Variants in CYP27C1 observed in about 807,000 individuals in gnomAD.
CYP27C1 encodes cytochrome P450 27C1.
A neutral mutation model predicts 40.6 loss-of-function variants in CYP27C1; 29 were observed. The observed-to-expected ratio is 0.71, with a 90% confidence interval of 0.53 to 0.97. The LOEUF (loss-of-function observed/expected upper bound fraction) is 0.97. Ranked by LOEUF, CYP27C1 falls within the 50% of genes least tolerant of loss-of-function variation. The pLI, the probability that CYP27C1 is intolerant of heterozygous loss-of-function variation, is 0.00. For missense variants in CYP27C1, 390 were observed against 485.8 expected (o/e 0.80, Z 1.85); for synonymous variants, 198 against 186.8 (o/e 1.06, Z -0.49).
chr2:127,188,592 A>G (rs888106080), intron 8 of CYP27C1, among the ~76,000 whole-genome samples: 1 of 151,946 alleles, frequency 6.6e-6, no homozygotes, highest in Non-Finnish European at 1.5e-5. Context: ...ATTTACAATC[A>G]CTTGTGCTGG....
In CYP27C1 at chr2:127,185,544, A is replaced by G. The variant is rs910326784; in HGVS notation, c.*1727T>C. On this transcript the variant is annotated 3_prime_UTR_variant, in exon 9 of 9. Transcript: ENST00000664447. The surrounding 1 kb of genome is among the most constrained non-coding windows in gnomAD (Gnocchi z 4.9). ...GTATACTGCTACCTCAAAGTAATCA[A>G]TCCAACACTTGGCCAGTTAATATGA... 3.9e-5 allele frequency: 6 copies of G among 152,208 alleles called. No individual in the cohort carries two copies. Among genetic ancestry groups the G allele is most frequent in the Non-Finnish European group, 8.8e-5 (6 of 68,032 alleles). 9.4% of individuals were successfully genotyped at this position (152,208 alleles called of 1,614,324 possible). A position where few individuals can be genotyped will look rare whatever the true frequency, so the allele number is the denominator to read the frequency against.
intron 3 of CYP27C1, among the ~76,000 whole-genome samples, chr2:127,202,578 C>A (rs1165509509): frequency 6.6e-6 from 1 of 152,174 alleles, no homozygotes; most frequent in Non-Finnish European, 1.5e-5. Context: ...AGACTAGTGA[C>A]CTTTGCTGCA....
Position 127,199,111 on chromosome 2 carries a change from C to A in CYP27C1, c.1047+265G>T, listed in dbSNP as rs111669184. Among the ~76,000 whole-genome samples, 915 of 152,236 alleles carry A rather than the reference C, an allele frequency of 6.0e-3. 12 individuals are homozygous for A. Among genetic ancestry groups the A allele is most frequent in the African/African-American group, 0.021 (876 of 41,534 alleles). On this transcript the variant is annotated intron_variant, in intron 5 of 8. Coordinates refer to ENST00000664447, the MANE Select transcript of CYP27C1 (RefSeq NM_001367502.1). ...ACCAGCCTGGCCAACATGGTGAAAC[C>A]CCCGTTGCTACTAAAAGTACAAAAC...
At position 127,209,569 on chromosome 2, in the gene CYP27C1, A is replaced by C. The variant is rs1683297830; in HGVS notation, c.283-3479T>G. ...AGATGGGTAATAAAAAACTGCGATGACCTAAAGGAGCATGTTCTAACACAA... is the reference window on the plus strand; with the variant it reads ...AGATGGGTAATAAAAAACTGCGATGCCCTAAAGGAGCATGTTCTAACACAA... On this transcript the variant is annotated intron_variant, in intron 1 of 8. Transcript: ENST00000664447. The surrounding 1 kb of genome is among the most constrained non-coding windows in gnomAD (Gnocchi z 4.1). 6.6e-6 allele frequency among the ~76,000 whole-genome samples: 1 copy of C among 152,196 alleles called. No homozygotes were observed. Among genetic ancestry groups the C allele is most frequent in the Non-Finnish European group, 1.5e-5 (1 of 68,036 alleles).
intron 1 of CYP27C1, among the ~76,000 whole-genome samples, chr2:127,213,201 A>C (rs1683366520): frequency 6.6e-6 from 1 of 152,226 alleles, no homozygotes; most frequent in African/African-American, 2.4e-5. Flanking sequence ...TTCCATCCTT[A>C]TGGATAGGAA....
At chr2:127,203,883 A>T (rs1683097385) in intron 2 of CYP27C1, among the ~76,000 whole-genome samples, 1 of 152,124 alleles carries the variant, frequency 6.6e-6, no homozygotes, top group Non-Finnish European at 1.5e-5. Flanking sequence ...ATTGTAATAA[A>T]GAAATGAGAT....
intron 8 of CYP27C1, among the ~76,000 whole-genome samples, chr2:127,192,675 C>T (rs576753287): frequency 3.8e-3 from 321 of 83,712 alleles, no homozygotes; most frequent in East Asian, 0.013. Context: ...ACTGCAGACA[C>T]GGCCACTAGA....
chr2:127,188,172 C>T (rs1328701971), intron 8 of CYP27C1, among the ~76,000 whole-genome samples: 1 of 152,162 alleles, frequency 6.6e-6, no homozygotes, highest in Admixed American at 6.5e-5. Flanking sequence ...GATGAGCTGG[C>T]AATACCATAG....
rs543973765 is a variant in CYP27C1, at chr2:127,201,040, C to G, written c.883+82G>C. On this transcript the variant is annotated intron_variant, in intron 4 of 8. Transcript: ENST00000664447. This position sits in a 1 kb window ranked among gnomAD's most constrained non-coding sequence, Gnocchi z 6.0. ...ATCTAGGCATCCTCTGCTATGGTCA[C>G]CCATTGTCTGGATGAGAGTTAGACA... 4.5e-6 allele frequency: 6 copies of G among 1,343,420 alleles called. No individual in the cohort carries two copies. The highest frequency in any genetic ancestry group is 5.3e-4 in the Middle Eastern group (2 of 3,796). The allele number at this position is 1,343,420 out of a possible 1,614,324, so 83.2% of individuals were successfully genotyped here.
Position 127,214,780 on chromosome 2 carries a change from T to C in CYP27C1, c.282+5209A>G, listed in dbSNP as rs371264858. ...CATGTTCTGCACATGTATCCGTTTT[T>C]TGTTTTTTTTTTTTTTTTTGGTTTT... On this transcript the variant is annotated intron_variant, in intron 1 of 8. Coordinates refer to ENST00000664447, the MANE Select transcript of CYP27C1 (RefSeq NM_001367502.1). Among the ~76,000 whole-genome samples the C allele has an allele frequency of 8.0e-3, 1,110 of 138,070 alleles. 18 individuals are homozygous for C. The highest frequency in any genetic ancestry group is 0.028 in the African/African-American group (1,055 of 38,206). 90.6% of individuals were successfully genotyped at this position (138,070 alleles called of 152,430 possible).
chr2:127,215,738 C>T (rs1282901053), intron 1 of CYP27C1, among the ~76,000 whole-genome samples: 9 of 151,338 alleles, frequency 5.9e-5, no homozygotes, highest in South Asian at 2.1e-4. Flanking sequence ...AAACAACCTT[C>T]GGATGGAGAA....
chr2:127,200,885 C>T lies in CYP27C1; in HGVS notation c.883+237G>A, dbSNP rs1473273662. On this transcript the variant is annotated intron_variant, in intron 4 of 8. Transcript: ENST00000664447. The surrounding 1 kb of genome is among the most constrained non-coding windows in gnomAD (Gnocchi z 4.2). ...GGCTGAGGCATGATAATCACTTGAA[C>T]CTAGGAGGCAGAGGTTGCAGTGAGC... Among the ~76,000 whole-genome samples, 1 of 152,068 alleles carries T rather than the reference C, an allele frequency of 6.6e-6. No individual in the cohort carries two copies. The highest frequency in any genetic ancestry group is 1.5e-5 in the Non-Finnish European group (1 of 68,020).
rs1683518967 is a variant in CYP27C1, at chr2:127,220,099, C to T, written c.172G>A (p.Gly58Ser). ...AGGCTCCGGGGACCCTCGGCTCGGCCCCCTCCCGGCGGCGACCCCGGCCGC... is the reference window on the plus strand; with the variant it reads ...AGGCTCCGGGGACCCTCGGCTCGGCTCCCTCCCGGCGGCGACCCCGGCCGC... The part of the protein sequence containing the change: ...AGRPGSPPGG[G>S]RAEGPRSLAA... Residue 58 changes from glycine (G) to serine (S), a missense_variant, in exon 1 of 9, where the codon GGC (glycine) becomes AGC (serine). Coordinates refer to ENST00000664447, the MANE Select transcript of CYP27C1 (RefSeq NM_001367502.1). This position sits in a 1 kb window ranked among gnomAD's most constrained non-coding sequence, Gnocchi z 4.6. The T allele has an allele frequency of 6.6e-6, 1 of 151,042 alleles. No individual in the cohort carries two copies. The highest frequency in any genetic ancestry group is 1.5e-5 in the Non-Finnish European group (1 of 67,746). 9.4% of individuals were successfully genotyped at this position (151,042 alleles called of 1,614,324 possible). A position where few individuals can be genotyped will look rare whatever the true frequency, so the allele number is the denominator to read the frequency against.
At chr2:127,206,650 A>T (rs1195288814) in intron 1 of CYP27C1, among the ~76,000 whole-genome samples, 1 of 152,182 alleles carries the variant, frequency 6.6e-6, no homozygotes, top group Non-Finnish European at 1.5e-5. Context: ...AGCTGTGTGA[A>T]GCAACAAGAG....
In CYP27C1 at chr2:127,195,400, A is replaced by G. The variant is rs768062477; in HGVS notation, c.1149T>C (p.His383=). 1.9e-6 allele frequency: 3 copies of G among 1,614,096 alleles called. No individual in the cohort carries two copies. The highest frequency in any genetic ancestry group is 4.5e-5 in the East Asian group (2 of 44,868). The change falls in exon 6 of 9, where the codon CAT becomes CAC. Residue 383 remains histidine, a synonymous_variant. Coordinates refer to ENST00000664447, the MANE Select transcript of CYP27C1 (RefSeq NM_001367502.1). This position sits in a 1 kb window ranked among gnomAD's most constrained non-coding sequence, Gnocchi z 6.2. ...TGGGGACATCAGCTGCAGTTGGAAC[A>G]TGCCTTTCCCCTAAATTCTTCACAA... ...REIVKNLGER[H]VPTAADVPKV... is the part of the protein sequence containing the mutation.
At position 127,193,364 on chromosome 2, in the gene CYP27C1, A is replaced by G; in HGVS notation, c.1294-67T>C. On this transcript the variant is annotated intron_variant, in intron 7 of 8. Coordinates refer to ENST00000664447, the MANE Select transcript of CYP27C1 (RefSeq NM_001367502.1). ...ATCACTCAAGAGCAGGGCAGGGCCC[A>G]GAGCCCTAGCCGGACAGTCTCCCGG... 3 of 1,591,750 alleles carry G rather than the reference A, an allele frequency of 1.9e-6. No individual in the cohort carries two copies. The South Asian group carries it at 3.3e-5, about 18-fold the overall frequency.
At chr2:127,191,571 G>A (rs190208789) in intron 8 of CYP27C1, among the ~76,000 whole-genome samples, 138 of 152,306 alleles carry the variant, frequency 9.1e-4, no homozygotes, top group African/African-American at 3.2e-3. Context: ...CAGACTTAGT[G>A]CAGGGCTCAG....
rs572193651 is a variant in CYP27C1 at position 127,188,210 on chromosome 2, C to G, written c.1498-823G>C. On this transcript the variant is annotated intron_variant, in intron 8 of 8. Coordinates refer to ENST00000664447, the MANE Select transcript of CYP27C1 (RefSeq NM_001367502.1). ...TCCTACTTAGCGCCCAGGCTGTCCCCGCCCTGCCCTTCCTCTCTGTCCAGC... is the reference window on the plus strand; with the variant it reads ...TCCTACTTAGCGCCCAGGCTGTCCCGGCCCTGCCCTTCCTCTCTGTCCAGC... 4.6e-5 allele frequency among the ~76,000 whole-genome samples: 7 copies of G among 152,216 alleles called. No individual in the cohort carries two copies. The South Asian group carries it at 1.5e-3, about 32-fold the overall frequency.
At chr2:127,216,329 T>TATAGTCACATTTTGCAC (rs377127139) in intron 1 of CYP27C1, among the ~76,000 whole-genome samples, 8 of 152,350 alleles carry the variant, frequency 5.3e-5, no homozygotes, top group African/African-American at 1.9e-4. Context: ...CAAAATGTGG[T>TATAGTCACATTTTGCAC]ATAGTCATAC....
Sources: gnomAD v4.1 joint callset for allele counts (sites outside exome capture counted in the v4.1 genomes callset) on GRCh38, gnomAD v4.1.1 for gene constraint, Gnocchi (gnomAD v3.1) non-coding constraint, MANE v1.5 for transcripts, NCBI Gene and HGNC (gene_info 2026-07-23, HGNC 2026-07-21) for gene names.